DNAAF11: variants seen among roughly 807,000 people sequenced by gnomAD.
The protein encoded by DNAAF11 is leucine rich repeat containing 6.
DNAAF11 carries 45 observed loss-of-function variants against 60.8 expected under a neutral mutation model. The ratio of observed to expected loss-of-function variants is 0.74; its 90% CI spans 0.58 to 0.95. DNAAF11 has a LOEUF of 0.95. DNAAF11 is among the 40% of genes least tolerant of loss of function. The pLI is 0.00. For missense variants in DNAAF11, 546 were observed against 546.2 expected, an observed-to-expected ratio of 1.00 and a Z score of 0.00; for synonymous variants, 191 against 183.5, an observed-to-expected ratio of 1.04 and a Z score of -0.33.
intron 6 of DNAAF11, among the ~76,000 whole-genome samples, chr8:132,624,897 C>T (rs1820094922): frequency 6.6e-6 from 1 of 152,148 alleles, no homozygotes; most frequent in South Asian, 2.1e-4. Flanking sequence ...TAATTCTTCA[C>T]TTTGCAAATT....
chr8:132,590,732 A>T (rs73708303), intron 10 of DNAAF11, among the ~76,000 whole-genome samples: 2,786 of 152,254 alleles, frequency 0.018, 95 homozygotes, highest in African/African-American at 0.063. Flanking sequence ...GTGAGTTTTG[A>T]AAACAGTCCT....
chr8:132,603,893 G>A (rs1043829187), intron 10 of DNAAF11, among the ~76,000 whole-genome samples: 1 of 152,062 alleles, frequency 6.6e-6, no homozygotes, highest in African/African-American at 2.4e-5. Flanking sequence ...AAAGCAAGTG[G>A]AAATAGGATC....
chr8:132,643,361 GC>G, intron 3 of DNAAF11: 1 of 281,792 alleles, frequency 3.5e-6, no homozygotes, highest in Non-Finnish European at 7.1e-6. Context: ...CAGAGGTGTA[GC>G]CCAGGACTGA....
At position 132,591,920 on chromosome 8, in the gene DNAAF11, A is replaced by G. The variant is rs543440894; in HGVS notation, c.1141-8141T>C. ...TAATTTTTAAAATTATTTTATGTTT[A>G]GAAAATCCTTTAAAGAATGAAAGTA... On this transcript the variant is annotated intron_variant, in intron 10 of 11. Transcript: ENST00000620350. Among the ~76,000 whole-genome samples the G allele has an allele frequency of 1.1e-4, 16 of 152,286 alleles. No homozygotes were observed. In the East Asian group the frequency reaches 2.9e-3, roughly 27 times the overall value.
chr8:132,602,960 G>A lies in DNAAF11; in HGVS notation c.1140+7206C>T, dbSNP rs115010516. ...AGGCTGTGAGGCCTTCTGATGACTG[G>A]TTTACATCTTATTCACCTTACTAAA... On this transcript the variant is annotated intron_variant, in intron 10 of 11. Transcript: ENST00000620350. Among the ~76,000 whole-genome samples the A allele has an allele frequency of 2.5e-4, 38 of 152,090 alleles. No individual in the cohort carries two copies. In the East Asian group the frequency reaches 6.4e-3, roughly 26 times the overall value.
intron 1 of DNAAF11, among the ~76,000 whole-genome samples, chr8:132,670,124 A>G (rs1825042143): frequency 6.6e-6 from 1 of 152,076 alleles, no homozygotes; most frequent in South Asian, 2.1e-4. Context: ...TAAACCCAAA[A>G]TAAGCAGAAG....
At chr8:132,697,540 C>T in the DNAAF11 span, among the ~76,000 whole-genome samples, 2 of 151,748 alleles carry the variant, frequency 1.3e-5, no homozygotes, top group East Asian at 1.9e-4. Flanking sequence ...ATCACTTGAA[C>T]TTGGGAGGAA....
chr8:132,600,751 T>C (rs543434301), intron 10 of DNAAF11, among the ~76,000 whole-genome samples: 1 of 152,348 alleles, frequency 6.6e-6, no homozygotes, highest in African/African-American at 2.4e-5. Context: ...ATCCCTTCCT[T>C]ACACCTTAAC....
chr8:132,637,062 T>C (rs1821373132), intron 4 of DNAAF11, among the ~76,000 whole-genome samples: 1 of 152,186 alleles, frequency 6.6e-6, no homozygotes, highest in African/African-American at 2.4e-5. Context: ...ATATTCTCTG[T>C]TGTATGATTT....
chr8:132,675,609 G>A (rs1251289973), upstream of DNAAF11: 21 of 1,157,780 alleles, frequency 1.8e-5, no homozygotes, highest in Non-Finnish European at 2.5e-5. Flanking sequence ...CCATGGCAAC[G>A]GGGACTCTAC....
Position 132,611,280 on chromosome 8 carries a change from A to G in DNAAF11, c.1044+14T>C. On this transcript the variant is annotated intron_variant, in intron 9 of 11. Coordinates refer to ENST00000620350, the MANE Select transcript of DNAAF11 (RefSeq NM_012472.6). ...AGCTTTTGAAATTGTAATAGCCTACAGGGTTCTACTTACCTTTCCTTTGAT... is the reference window on the plus strand; with the variant it reads ...AGCTTTTGAAATTGTAATAGCCTACGGGGTTCTACTTACCTTTCCTTTGAT... 1 of 1,589,552 alleles carries G rather than the reference A, an allele frequency of 6.3e-7. No individual in the cohort carries two copies. The highest frequency in any genetic ancestry group is 8.6e-7 in the Non-Finnish European group (1 of 1,158,276).
intron 1 of DNAAF11, among the ~76,000 whole-genome samples, chr8:132,671,870 G>A (rs1825218861): frequency 6.7e-6 from 1 of 149,608 alleles, no homozygotes; most frequent in South Asian, 2.1e-4. Flanking sequence ...TACAAAAATT[G>A]AGTCAAATGA....
intron 1 of DNAAF11, among the ~76,000 whole-genome samples, chr8:132,674,390 A>G (rs895760679): frequency 6.6e-6 from 1 of 152,084 alleles, no homozygotes; most frequent in Admixed American, 6.5e-5. Flanking sequence ...CAGGTCTTCC[A>G]GGGCAGAAAG....
At position 132,572,163 on chromosome 8, in the gene DNAAF11, A is replaced by T. The variant is rs1256466228; in HGVS notation, c.*143T>A. 5 of 621,064 alleles carry T rather than the reference A, an allele frequency of 8.1e-6. No homozygotes were observed. In the East Asian group the frequency reaches 1.1e-4, roughly 13 times the overall value. The allele number at this position is 621,064 out of a possible 1,614,324, so 38.5% of individuals were successfully genotyped here. ...TTTAAGCTATCTTAAGGATATTACT[A>T]TGCAAAGTAAGAGTTAAAACACTGG... is the stretch of plus-strand genomic sequence containing the variant. On this transcript the variant is annotated 3_prime_UTR_variant, in exon 12 of 12. Coordinates refer to ENST00000620350, the MANE Select transcript of DNAAF11 (RefSeq NM_012472.6).
At chr8:132,685,840 A>G in the DNAAF11 span, among the ~76,000 whole-genome samples, 2,277 of 152,280 alleles carry the variant, frequency 0.015, 67 homozygotes, top group African/African-American at 0.052. Flanking sequence ...TTTCAAGAAC[A>G]TGGTGTAGTT....
intron 5 of DNAAF11, among the ~76,000 whole-genome samples, chr8:132,632,518 A>G (rs1038534647): frequency 3.9e-5 from 6 of 152,240 alleles, no homozygotes; most frequent in African/African-American, 1.4e-4. Flanking sequence ...GATGCAAATT[A>G]AAGTTGCTAG....
chr8:132,576,979 A>G (rs1814817317), intron 11 of DNAAF11, among the ~76,000 whole-genome samples: 1 of 152,178 alleles, frequency 6.6e-6, no homozygotes, highest in African/African-American at 2.4e-5. Context: ...TGATTTTAAT[A>G]ACTTTTTAAG....
At chr8:132,686,021 C>A in the DNAAF11 span, among the ~76,000 whole-genome samples, 2 of 152,022 alleles carry the variant, frequency 1.3e-5, no homozygotes, top group Non-Finnish European at 2.9e-5. Context: ...AGTGAACATA[C>A]AATGAACGAG....
chr8:132,630,365 G>A (rs1203024078), intron 5 of DNAAF11, among the ~76,000 whole-genome samples: 1 of 152,126 alleles, frequency 6.6e-6, no homozygotes, highest in African/African-American at 2.4e-5. Flanking sequence ...AGTGGGAAAA[G>A]AATAGCACCT....
Sources: allele counts gnomAD v4.1 joint callset (sites outside exome capture counted in the v4.1 genomes callset), GRCh38; gene constraint gnomAD v4.1.1; transcripts MANE v1.5; gene names NCBI Gene and HGNC (gene_info 2026-07-23, HGNC 2026-07-21).